Variants in ZPBP observed in about 807,000 individuals in gnomAD.
ZPBP encodes the protein zona pellucida-binding protein 1.
Under a neutral mutation model 44.8 loss-of-function variants are expected in ZPBP, and 26 were observed. The observed-to-expected ratio is 0.58, with a 90% CI of 0.43 to 0.81. The LOEUF (loss-of-function observed/expected upper bound fraction) is 0.81. Among genes scored for constraint, ZPBP ranks in the 30% least tolerant of loss-of-function variants. ZPBP has a pLI of 0.00. For synonymous variants in ZPBP, 174 were observed against 153.2 expected, an observed-to-expected ratio of 1.14 and a Z score of -1.00; for missense variants, 409 against 434.0, an observed-to-expected ratio of 0.94 and a Z score of 0.51.
intron 3 of ZPBP, among the ~76,000 whole-genome samples, chr7:50,064,663 C>T (rs1801413563): frequency 6.6e-6 from 1 of 152,214 alleles, no homozygotes; most frequent in Non-Finnish European, 1.5e-5. Context: ...AGAAATATGG[C>T]TCTGTTCCGC....
At chr7:50,086,706 A>G (rs1350965747) in intron 2 of ZPBP, among the ~76,000 whole-genome samples, 1 of 152,060 alleles carries the variant, frequency 6.6e-6, no homozygotes, top group Non-Finnish European at 1.5e-5. Flanking sequence ...AGACCTGTGA[A>G]AAACCATTAA....
At chr7:50,053,708 T>C (rs536612306) in intron 4 of ZPBP, among the ~76,000 whole-genome samples, 129 of 152,342 alleles carry the variant, frequency 8.5e-4, no homozygotes, top group Non-Finnish European at 1.6e-3. Flanking sequence ...AGTCTGTTTT[T>C]TACTTCATGC....
chr7:49,990,574 A>G (rs1327645952), intron 6 of ZPBP, among the ~76,000 whole-genome samples: 2 of 152,130 alleles, frequency 1.3e-5, no homozygotes, highest in African/African-American at 4.8e-5. Context: ...CTTTGAAAAA[A>G]ACGTCCCCTG....
chr7:49,971,506 T>C (rs1796303978), intron 7 of ZPBP, among the ~76,000 whole-genome samples: 1 of 152,096 alleles, frequency 6.6e-6, no homozygotes, highest in Admixed American at 6.5e-5. Flanking sequence ...ATTGGATAAC[T>C]TAGATGATAC....
At chr7:50,001,028 T>C (rs1431119138) in intron 6 of ZPBP, among the ~76,000 whole-genome samples, 4 of 152,136 alleles carry the variant, frequency 2.6e-5, no homozygotes, top group Admixed American at 1.3e-4. Flanking sequence ...TGTGAAGACA[T>C]GGCCATCTGC....
chr7:49,912,887 C>A (rs996670399), intron 1 of ZPBP: 1 of 152,144 alleles, frequency 6.6e-6, no homozygotes, highest in African/African-American at 2.4e-5. Context: ...ACATATATTT[C>A]ATTCTTATTT....
intron 6 of ZPBP, among the ~76,000 whole-genome samples, chr7:50,009,117 A>T (rs1432150289): frequency 2.6e-5 from 4 of 151,478 alleles, no homozygotes; most frequent in Admixed American, 6.6e-5. Context: ...CGTGTCTGTA[A>T]TCCCAGCTGC....
chr7:49,943,801 C>A (rs1794987597), intron 7 of ZPBP: 1 of 243,976 alleles, frequency 4.1e-6, no homozygotes, highest in Admixed American at 5.3e-5. Context: ...GAATCTATAA[C>A]CCTGGAGAGC....
chr7:49,879,615 T>G (rs2128726588), intron 2 of ZPBP, among the ~76,000 whole-genome samples: 1 of 152,306 alleles, frequency 6.6e-6, no homozygotes, highest in South Asian at 2.1e-4. Flanking sequence ...GCTCGTGGCA[T>G]TCACAGGCAA....
At chr7:49,994,489 T>C (rs1417609698) in intron 6 of ZPBP, among the ~76,000 whole-genome samples, 1 of 152,202 alleles carries the variant, frequency 6.6e-6, no homozygotes, top group African/African-American at 2.4e-5. Context: ...CTGATAACAG[T>C]ATTGCTGTGC....
At chr7:50,018,961 C>T (rs188150939) in intron 5 of ZPBP, among the ~76,000 whole-genome samples, 199 of 152,106 alleles carry the variant, frequency 1.3e-3, no homozygotes, top group African/African-American at 4.7e-3. Flanking sequence ...AGTACTGTCT[C>T]TGCAAGATCA....
Position 50,032,059 on chromosome 7 carries a change from C to T in ZPBP, c.488-749G>A, listed in dbSNP as rs1388234614. 3.3e-5 allele frequency among the ~76,000 whole-genome samples: 5 copies of T among 152,116 alleles called. No individual in the cohort carries two copies. In the East Asian group the frequency reaches 7.7e-4, roughly 23 times the overall value. On this transcript the variant is annotated intron_variant, in intron 4 of 7. Coordinates refer to ENST00000046087, the MANE Select transcript of ZPBP (RefSeq NM_007009.3). ...CCTGCACACACTGAAGTGCACCCAGCCATTGTTTACTTTCTTACCTACACA... is the reference window on the plus strand; with the variant it reads ...CCTGCACACACTGAAGTGCACCCAGTCATTGTTTACTTTCTTACCTACACA...
intron 7 of ZPBP, among the ~76,000 whole-genome samples, chr7:49,941,997 T>C (rs961547268): frequency 4.6e-5 from 7 of 152,172 alleles, no homozygotes; most frequent in African/African-American, 1.7e-4. Context: ...GATGCCAAGA[T>C]CATTCAATGG....
At chr7:49,977,356 T>G (rs1796579727) in intron 7 of ZPBP, among the ~76,000 whole-genome samples, 1 of 150,744 alleles carries the variant, frequency 6.6e-6, no homozygotes, top group Non-Finnish European at 1.5e-5. Flanking sequence ...AAAGGAAACT[T>G]TTTTTTGTCT....
At chr7:49,955,461 G>A (rs565292347) in intron 7 of ZPBP, among the ~76,000 whole-genome samples, 2 of 152,202 alleles carry the variant, frequency 1.3e-5, no homozygotes, top group African/African-American at 2.4e-5. Context: ...GGAGGCAGAG[G>A]CAGGAGAATC....
chr7:49,997,326 C>A (rs1797891668), intron 6 of ZPBP, among the ~76,000 whole-genome samples: 1 of 152,316 alleles, frequency 6.6e-6, no homozygotes, highest in Non-Finnish European at 1.5e-5. Context: ...ATATTAACTG[C>A]AGAATGTCTG....
chr7:49,943,283 T>C, intron 7 of ZPBP: 1 of 277,152 alleles, frequency 3.6e-6, no homozygotes, highest in Non-Finnish European at 7.1e-6. Flanking sequence ...GGGTCTTAAT[T>C]TTTCCTACTT....
downstream of ZPBP, among the ~76,000 whole-genome samples, chr7:49,937,059 T>C (rs571251985): frequency 2.8e-4 from 43 of 152,086 alleles, no homozygotes; most frequent in Non-Finnish European, 4.6e-4. Context: ...AGGCTAAAAA[T>C]TGCAATAAGA....
At chr7:49,901,198 T>C (rs1792705054) in exon 2 of ZPBP, 2 of 151,996 alleles carry the variant, frequency 1.3e-5, no homozygotes, top group African/African-American at 4.8e-5. Flanking sequence ...TTCAACATCA[T>C]AGTGGAAGTC....
Sources: allele counts gnomAD v4.1 joint callset (sites outside exome capture counted in the v4.1 genomes callset), GRCh38; gene constraint gnomAD v4.1.1; transcripts MANE v1.5; gene names NCBI Gene and HGNC (gene_info 2026-07-23, HGNC 2026-07-21).